The following PI4K2B variants were observed in gnomAD, a reference collection of about 807,000 sequenced individuals.
PI4K2B encodes phosphatidylinositol 4-kinase type 2 beta.
In PI4K2B, 46 loss-of-function variants were observed where a neutral mutation model predicts 56.6. The ratio of observed to expected loss-of-function variants is 0.81; its 90% CI spans 0.64 to 1.04. The LOEUF is 1.04. Among genes scored for constraint, PI4K2B ranks in the 50% least tolerant of loss-of-function variants. PI4K2B has a pLI of 0.00. For synonymous variants in PI4K2B, 211 were observed against 223.8 expected (o/e 0.94, Z 0.51); for missense variants, 556 against 607.7 (o/e 0.91, Z 0.89).
At position 25,252,336 on chromosome 4, in the gene PI4K2B, C is replaced by A; in HGVS notation, c.284C>A (p.Ser95Ter). 6.2e-7 allele frequency: 1 copy of A among 1,610,040 alleles called. No homozygotes were observed. The highest frequency in any genetic ancestry group is 8.5e-7 in the Non-Finnish European group (1 of 1,176,472). ...RPAVSVTIGTSEMNAFLDDPE... is the reference protein window; with the variant it reads ...RPAVSVTIGT ...CTTAATGCAGTAACTATTGGTACTT[C>A]AGAGATGAATGCATTCTTGGATGAC... is the stretch of plus-strand genomic sequence containing the variant. The change falls in exon 2 of 10, where the codon TCA becomes TAA. Residue 95 changes from serine to a stop codon, truncating the protein, a stop_gained. Coordinates refer to ENST00000264864, the MANE Select transcript of PI4K2B (RefSeq NM_018323.4). LOFTEE classifies it high-confidence loss of function.
At chr4:25,246,270 G>A (rs544743972) in intron 1 of PI4K2B, among the ~76,000 whole-genome samples, 16 of 152,124 alleles carry the variant, frequency 1.1e-4, no homozygotes, top group Admixed American at 1.3e-4. Flanking sequence ...CCCTTATCTG[G>A]CCCCACCCAC....
At chr4:25,239,264 C>T (rs374925590) in intron 1 of PI4K2B, among the ~76,000 whole-genome samples, 5 of 152,192 alleles carry the variant, frequency 3.3e-5, no homozygotes, top group East Asian at 1.9e-4. Flanking sequence ...CTTGGGTGGT[C>T]GATGGGACGG....
At chr4:25,261,575 C>A (rs893552008) in intron 6 of PI4K2B, among the ~76,000 whole-genome samples, 1 of 152,058 alleles carries the variant, frequency 6.6e-6, no homozygotes, top group African/African-American at 2.4e-5. Context: ...GCTGTTGCAT[C>A]ATTTTTAAAA....
chr4:25,274,372 G>A (rs1191490032), intron 9 of PI4K2B, among the ~76,000 whole-genome samples: 2 of 152,104 alleles, frequency 1.3e-5, no homozygotes, highest in East Asian at 3.8e-4. Context: ...GTCTCCCCTG[G>A]CCTGCAGAAT....
chr4:25,241,410 A>G (rs1715517047), intron 1 of PI4K2B, among the ~76,000 whole-genome samples: 2 of 152,182 alleles, frequency 1.3e-5, no homozygotes, highest in South Asian at 4.1e-4. Flanking sequence ...CTTCTAAGAG[A>G]TCATCTTGGG....
intron 3 of PI4K2B, among the ~76,000 whole-genome samples, chr4:25,255,679 C>T (rs915036512): frequency 6.6e-6 from 1 of 152,168 alleles, no homozygotes; most frequent in African/African-American, 2.4e-5. Context: ...CCCAGACTGG[C>T]CTTAAATTTC....
chr4:25,258,137 T>C (rs1450647763), intron 4 of PI4K2B, among the ~76,000 whole-genome samples: 5 of 152,010 alleles, frequency 3.3e-5, no homozygotes, highest in Non-Finnish European at 7.4e-5. Flanking sequence ...AAAACCGCTA[T>C]CAATATTATG....
intron 9 of PI4K2B, among the ~76,000 whole-genome samples, chr4:25,275,162 A>G (rs982776149): frequency 4.6e-5 from 7 of 152,206 alleles, no homozygotes; most frequent in African/African-American, 1.7e-4. Context: ...GAGTCAGGAA[A>G]ATATTAACTG....
chr4:25,235,328 CAACTT>C lies in PI4K2B; in HGVS notation c.268+900_268+904del, dbSNP rs1190329597. On this transcript the variant is annotated intron_variant, in intron 1 of 9. Transcript: ENST00000264864. ...GGTTGGTTTATCGCTTCACACATGA[CAACTT>C]AAAAACCACAGAAAATGGAAGTTTC... is the stretch of plus-strand genomic sequence containing the variant. Among the ~76,000 whole-genome samples the C allele has an allele frequency of 5.3e-5, 8 of 152,296 alleles. No homozygotes were observed. In the South Asian group the frequency reaches 6.2e-4, roughly 12 times the overall value.
Position 25,252,329 on chromosome 4 carries a change from G to C in PI4K2B, c.277G>C (p.Gly93Arg). Reference sequence around the variant, plus strand: ...ATTTCTTCTTAATGCAGTAACTATTGGTACTTCAGAGATGAATGCATTCTT... The same window carrying C: ...ATTTCTTCTTAATGCAGTAACTATTCGTACTTCAGAGATGAATGCATTCTT... ...RSRPAVSVTI[G>R]TSEMNAFLDD... The change falls in exon 2 of 10, where the codon GGT becomes CGT. Residue 93 changes from glycine (G) to arginine (R), a missense_variant. Coordinates refer to ENST00000264864, the MANE Select transcript of PI4K2B (RefSeq NM_018323.4). 1 of 1,608,692 alleles carries C rather than the reference G, an allele frequency of 6.2e-7. No homozygotes were observed. Among genetic ancestry groups the C allele is most frequent in the Non-Finnish European group, 8.5e-7 (1 of 1,175,372 alleles).
In PI4K2B at chr4:25,277,056, T is replaced by C; in HGVS notation, c.1315T>C (p.Phe439Leu). The change falls in exon 10 of 10, where the codon TTC (phenylalanine) becomes CTC (leucine). Residue 439 changes from phenylalanine to leucine, a missense_variant. Coordinates refer to ENST00000264864, the MANE Select transcript of PI4K2B (RefSeq NM_018323.4). Reference sequence around the variant, plus strand: ...GGCATTGAGAGACGGGAAGAGTCCTTTCCAGCTAGTACAGATACCTTGTGT... The same window carrying C: ...GGCATTGAGAGACGGGAAGAGTCCTCTCCAGCTAGTACAGATACCTTGTGT... Reference protein sequence around the residue: ...TQALRDGKSPFQLVQIPCVIV... With the variant: ...TQALRDGKSPLQLVQIPCVIV... 6.2e-7 allele frequency: 1 copy of C among 1,607,722 alleles called. No homozygotes were observed.
At chr4:25,274,094 T>A (rs1015075264) in intron 9 of PI4K2B, among the ~76,000 whole-genome samples, 2 of 152,188 alleles carry the variant, frequency 1.3e-5, no homozygotes, top group African/African-American at 4.8e-5. Flanking sequence ...TGGTGTCACA[T>A]TTTACTCAGA....
chr4:25,268,339 CT>C, intron 7 of PI4K2B, 103 bp from the exon 8 acceptor site: 1 of 922,890 alleles, frequency 1.1e-6, no homozygotes, highest in Non-Finnish European at 1.7e-6. Flanking sequence ...TTATCCTGTC[CT>C]TTTTTGGGGA....
Position 25,277,383 on chromosome 4 carries a change from T to G in PI4K2B, c.*196T>G. The G allele has an allele frequency of 2.2e-6, 1 of 462,524 alleles. No homozygotes were observed. The highest frequency in any genetic ancestry group is 3.8e-5 in the Admixed American group (1 of 26,122). 28.7% of individuals were successfully genotyped at this position (462,524 alleles called of 1,614,324 possible). A position where few individuals can be genotyped will look rare whatever the true frequency, so the allele number is the denominator to read the frequency against. ...AATTTCTATTTCAGGGAAGAAGTGC[T>G]ATATCTCCTATATTGTATTTTTGTA... On this transcript the variant is annotated 3_prime_UTR_variant, in exon 10 of 10. Transcript: ENST00000264864.
At chr4:25,237,624 C>T (rs538074974) in intron 1 of PI4K2B, among the ~76,000 whole-genome samples, 1 of 152,292 alleles carries the variant, frequency 6.6e-6, no homozygotes, top group South Asian at 2.1e-4. Context: ...CCTCGGCTTC[C>T]CAGAGCACTG....
chr4:25,276,942 G>A, intron 9 of PI4K2B, 72 bp from the exon 10 acceptor site: 1 of 1,460,070 alleles, frequency 6.8e-7, no homozygotes, highest in South Asian at 1.6e-5. Context: ...ATGAATAAAT[G>A]GTTTAAAAAA....
chr4:25,243,220 C>G (rs1229262601), intron 1 of PI4K2B, among the ~76,000 whole-genome samples: 1 of 152,234 alleles, frequency 6.6e-6, no homozygotes, highest in African/African-American at 2.4e-5. Flanking sequence ...CGGGCACCCT[C>G]AGTCCTGTTG....
At chr4:25,256,422 G>A (rs1208702213) in intron 3 of PI4K2B, 121 bp from the exon 4 acceptor site, 2 of 871,588 alleles carry the variant, frequency 2.3e-6, no homozygotes, top group Non-Finnish European at 3.5e-6. Flanking sequence ...AGATTCTCTG[G>A]GGCCTTTATT....
At position 25,253,433 on chromosome 4, in the gene PI4K2B, T is replaced by C. The variant is rs1409805306; in HGVS notation, c.423+958T>C. Among the ~76,000 whole-genome samples the C allele has an allele frequency of 2.6e-5, 4 of 152,232 alleles. No individual in the cohort carries two copies. The East Asian group carries it at 7.7e-4, about 29-fold the overall frequency. Reference sequence around the variant, plus strand: ...ACGTTTATAATTTCACCCAATTTTTTTGGCAAAGATAGAAGTTCTATTTTT... The same window carrying C: ...ACGTTTATAATTTCACCCAATTTTTCTGGCAAAGATAGAAGTTCTATTTTT... On this transcript the variant is annotated intron_variant, in intron 2 of 9. Transcript: ENST00000264864.
Sources: gnomAD v4.1 joint callset for allele counts (sites outside exome capture counted in the v4.1 genomes callset) on GRCh38, gnomAD v4.1.1 for gene constraint, MANE v1.5 for transcripts, NCBI Gene and HGNC (gene_info 2026-07-23, HGNC 2026-07-21) for gene names.